The following CHRM3 variants were observed in gnomAD, a reference collection of about 807,000 sequenced individuals.
CHRM3 encodes the protein muscarinic acetylcholine receptor M3.
Under a neutral mutation model 41.8 loss-of-function variants are expected in CHRM3, and 11 were observed. The ratio of observed to expected loss-of-function variants is 0.26; its 90% CI spans 0.17 to 0.44. The LOEUF (loss-of-function observed/expected upper bound fraction) is 0.44. Ranked by LOEUF, CHRM3 falls within the 20% of genes least tolerant of loss-of-function variation. CHRM3 has a pLI of 1.00. For missense variants in CHRM3, 571 were observed against 745.4 expected, an observed-to-expected ratio of 0.77 and a Z score of 2.72; for synonymous variants, 297 against 301.4, an observed-to-expected ratio of 0.99 and a Z score of 0.15.
At position 239,476,194 on chromosome 1, in the gene CHRM3, G is replaced by A. The variant is rs368567542; in HGVS notation, c.-520-16515G>A. Among the ~76,000 whole-genome samples, 30 of 152,170 alleles carry A rather than the reference G, an allele frequency of 2.0e-4. No homozygotes were observed. The East Asian group carries it at 4.8e-3, about 25-fold the overall frequency. ...TAAAATTGCTGGTCTGGCCGGGCAC[G>A]GTGGCTCATGCCTGTAATCCCAGCA... On this transcript the variant is annotated intron_variant, in intron 1 of 6. Coordinates refer to ENST00000676153, the MANE Select transcript of CHRM3 (RefSeq NM_001375978.1).
chr1:239,816,799 C>T (rs1161119895), intron 5 of CHRM3, among the ~76,000 whole-genome samples: 2 of 149,732 alleles, frequency 1.3e-5, no homozygotes, highest in Non-Finnish European at 2.9e-5. Flanking sequence ...GGCACGATCT[C>T]AGCTCACTGC....
intron 5 of CHRM3, among the ~76,000 whole-genome samples, chr1:239,767,638 A>G (rs896923128): frequency 6.6e-6 from 1 of 152,212 alleles, no homozygotes; most frequent in Non-Finnish European, 1.5e-5. Flanking sequence ...GAGCATGAAT[A>G]ATGATCCTAA....
chr1:239,683,755 C>T (rs1658804060), intron 5 of CHRM3, among the ~76,000 whole-genome samples: 1 of 152,120 alleles, frequency 6.6e-6, no homozygotes. Flanking sequence ...TAATATATTA[C>T]CTAAGTAAAC....
chr1:239,506,763 A>G (rs997770321), intron 2 of CHRM3, among the ~76,000 whole-genome samples: 1 of 152,208 alleles, frequency 6.6e-6, no homozygotes, highest in Non-Finnish European at 1.5e-5. Context: ...ACTCAATGCC[A>G]GCCCATGAAA....
intron 3 of CHRM3, among the ~76,000 whole-genome samples, chr1:239,591,584 C>T (rs548078687): frequency 4.6e-5 from 7 of 150,950 alleles, no homozygotes; most frequent in Non-Finnish European, 7.4e-5. Context: ...ATTCACCATG[C>T]GTGCCGTCTT....
chr1:239,601,099 C>T (rs1005254544), intron 3 of CHRM3, among the ~76,000 whole-genome samples: 31 of 152,186 alleles, frequency 2.0e-4, no homozygotes, highest in African/African-American at 7.2e-4. Flanking sequence ...TATATAACTT[C>T]TTAAGTGGAT....
chr1:239,390,641 C>A, intron 1 of CHRM3, among the ~76,000 whole-genome samples: 1 of 150,832 alleles, frequency 6.6e-6, no homozygotes, highest in Non-Finnish European at 1.5e-5. Context: ...CTCTGTCGCC[C>A]AGGTTAGAGT....
chr1:239,564,247 A>G, intron 3 of CHRM3, among the ~76,000 whole-genome samples: 1 of 152,234 alleles, frequency 6.6e-6, no homozygotes, highest in East Asian at 1.9e-4. Context: ...AATGTAAAGT[A>G]GAACATATAT....
At chr1:239,643,182 G>C (rs905507264) in intron 4 of CHRM3, among the ~76,000 whole-genome samples, 1 of 152,148 alleles carries the variant, frequency 6.6e-6, no homozygotes, top group Non-Finnish European at 1.5e-5. Flanking sequence ...CCTACTGGGG[G>C]GTGCCTCCCA....
At chr1:239,662,933 C>CTTCTTCTTCTTCTT (rs1558431582) in intron 4 of CHRM3, among the ~76,000 whole-genome samples, 2 of 17,120 alleles carry the variant, frequency 1.2e-4, no homozygotes, top group African/African-American at 8.1e-4. Context: ...TTCTTCTTCT[C>CTTCTTCTTCTTCTT]CTCTTCTTCT....
At chr1:239,795,368 C>T (rs619288) in intron 5 of CHRM3, among the ~76,000 whole-genome samples, 54,859 of 152,048 alleles carry the variant, frequency 0.36, 9,972 homozygotes, top group South Asian at 0.39. Flanking sequence ...CTCTGACTAA[C>T]GTAACTCTTA....
intron 5 of CHRM3, among the ~76,000 whole-genome samples, chr1:239,756,085 T>C (rs1422898499): frequency 6.6e-6 from 1 of 152,182 alleles, no homozygotes; most frequent in Non-Finnish European, 1.5e-5. Context: ...CCCCAGCAAA[T>C]GATAGATGTC....
At chr1:239,609,464 A>G (rs1430494711) in intron 3 of CHRM3, among the ~76,000 whole-genome samples, 2 of 152,230 alleles carry the variant, frequency 1.3e-5, no homozygotes, top group East Asian at 1.9e-4. Context: ...ATATCTGCAT[A>G]CATGTCTATG....
intron 5 of CHRM3, among the ~76,000 whole-genome samples, chr1:239,759,201 A>T (rs2148638744): frequency 1.7e-5 from 2 of 117,184 alleles, no homozygotes; most frequent in East Asian, 2.6e-4. Context: ...TTTTTTAGAG[A>T]GAGGCTTATC....
chr1:239,596,866 G>C (rs1664840212), intron 3 of CHRM3, among the ~76,000 whole-genome samples: 1 of 152,080 alleles, frequency 6.6e-6, no homozygotes, highest in South Asian at 2.1e-4. Flanking sequence ...TGCTGTACAA[G>C]TGACCAAAAA....
At chr1:239,785,120 G>T (rs1042397425) in intron 5 of CHRM3, among the ~76,000 whole-genome samples, 1 of 152,068 alleles carries the variant, frequency 6.6e-6, no homozygotes, top group Admixed American at 6.6e-5. Flanking sequence ...AGCAAGGCTC[G>T]CAGCTCCTTC....
At chr1:239,687,361 G>A (rs969212327) in intron 5 of CHRM3, among the ~76,000 whole-genome samples, 5 of 151,892 alleles carry the variant, frequency 3.3e-5, no homozygotes, top group African/African-American at 1.2e-4. Flanking sequence ...AATATTCCAG[G>A]GCAATATCAT....
intron 1 of CHRM3, among the ~76,000 whole-genome samples, chr1:239,441,664 C>A (rs1663731621): frequency 1.3e-5 from 2 of 152,138 alleles, no homozygotes; most frequent in Admixed American, 1.3e-4. Context: ...TCATTTCTGA[C>A]CTGTGATAAA....
intron 6 of CHRM3, among the ~76,000 whole-genome samples, chr1:239,899,488 A>T (rs1005253826): frequency 1.8e-5 from 2 of 113,516 alleles, no homozygotes; most frequent in Non-Finnish European, 1.7e-5. Flanking sequence ...ATATATACTC[A>T]CACACATGTA....
Sources: gnomAD v4.1 joint callset for allele counts (sites outside exome capture counted in the v4.1 genomes callset) on GRCh38, gnomAD v4.1.1 for gene constraint, MANE v1.5 for transcripts, NCBI Gene and HGNC (gene_info 2026-07-23, HGNC 2026-07-21) for gene names.